GRIP1: variants seen among roughly 807,000 people sequenced by gnomAD.
GRIP1 encodes the protein glutamate receptor interacting protein 1.
GRIP1 carries 45 observed loss-of-function variants against 129.9 expected under a neutral mutation model. The observed-to-expected ratio is 0.35, with a 90% CI of 0.27 to 0.44. The LOEUF is 0.44. Among genes scored for constraint, GRIP1 ranks in the 20% least tolerant of loss-of-function variants. GRIP1 has a pLI of 1.00. For synonymous variants in GRIP1, 530 were observed against 520.8 expected, an observed-to-expected ratio of 1.02 and a Z score of -0.24; for missense variants, 1,196 against 1,396.8, an observed-to-expected ratio of 0.86 and a Z score of 2.29.
intron 1 of GRIP1, among the ~76,000 whole-genome samples, chr12:67,014,405 C>A (rs911891135): frequency 1.3e-5 from 2 of 152,024 alleles, no homozygotes; most frequent in African/African-American, 4.8e-5. Context: ...AAAGCACTCA[C>A]AATGACAAAT....
At chr12:66,833,811 C>T (rs1358734077) in intron 1 of GRIP1, among the ~76,000 whole-genome samples, 1 of 152,002 alleles carries the variant, frequency 6.6e-6, no homozygotes, top group African/African-American at 2.4e-5. Context: ...AGGGAAAAGC[C>T]TTAATAGATA....
At chr12:66,854,394 G>A (rs1352257327) in intron 1 of GRIP1, among the ~76,000 whole-genome samples, 1 of 152,000 alleles carries the variant, frequency 6.6e-6, no homozygotes, top group Non-Finnish European at 1.5e-5. Context: ...TCAATAAGGA[G>A]TTTTGGATTG....
intron 1 of GRIP1, among the ~76,000 whole-genome samples, chr12:66,839,812 T>C (rs1028378201): frequency 6.6e-6 from 1 of 152,230 alleles, no homozygotes; most frequent in Non-Finnish European, 1.5e-5. Flanking sequence ...ACTTACTCTG[T>C]GCAAGGCACT....
intron 1 of GRIP1, among the ~76,000 whole-genome samples, chr12:66,648,795 T>A (rs1334341642): frequency 6.6e-6 from 1 of 152,204 alleles, no homozygotes; most frequent in Non-Finnish European, 1.5e-5. Flanking sequence ...AAAGTCCAAT[T>A]TTAACTGGAG....
intron 1 of GRIP1, among the ~76,000 whole-genome samples, chr12:66,929,865 T>C (rs1163760110): frequency 6.6e-6 from 1 of 152,182 alleles, no homozygotes; most frequent in African/African-American, 2.4e-5. Flanking sequence ...AGTGCCTTTT[T>C]TCTCTGTGTT....
At position 66,988,301 on chromosome 12, in the gene GRIP1, T is replaced by C. The variant is rs1592434021; in HGVS notation, c.58+80749A>G. On this transcript the variant is annotated intron_variant, in intron 1 of 1. Coordinates refer to the GRIP1 transcript ENST00000643019. The stretch of plus-strand genomic sequence containing the variant: ...CTGTCTCAAAAATAATAATAATAAA[T>C]AAACAGATAAACATGCAAATATTTA... Among the ~76,000 whole-genome samples, 4 of 152,174 alleles carry C rather than the reference T, an allele frequency of 2.6e-5. No homozygotes were observed. In the South Asian group the frequency reaches 8.3e-4, roughly 32 times the overall value.
chr12:66,893,518 G>A (rs1474244294), intron 1 of GRIP1, among the ~76,000 whole-genome samples: 1 of 152,148 alleles, frequency 6.6e-6, no homozygotes, highest in East Asian at 1.9e-4. Flanking sequence ...GAATACAGGT[G>A]TGAGCCACTG....
At chr12:66,949,893 C>T (rs1015175684) in intron 1 of GRIP1, among the ~76,000 whole-genome samples, 3 of 151,824 alleles carry the variant, frequency 2.0e-5, no homozygotes, top group South Asian at 2.1e-4. Flanking sequence ...TCAGCCCCCC[C>T]GAGTAGCTGG....
At chr12:66,568,058 C>T (rs1443234139) in intron 2 of GRIP1, 2 of 231,768 alleles carry the variant, frequency 8.6e-6, no homozygotes, top group African/African-American at 2.3e-5. Context: ...TTCTGATAAA[C>T]ACTCAGCATA....
intron 1 of GRIP1, among the ~76,000 whole-genome samples, chr12:66,668,513 C>T (rs925092004): frequency 6.6e-6 from 1 of 152,162 alleles, no homozygotes; most frequent in African/African-American, 2.4e-5. Flanking sequence ...GTATTTTCCT[C>T]CAGACAGCCT....
intron 1 of GRIP1, among the ~76,000 whole-genome samples, chr12:66,844,925 C>G (rs12581549): frequency 6.6e-6 from 1 of 152,002 alleles, no homozygotes; most frequent in African/African-American, 2.4e-5. Flanking sequence ...TTCATAGAGA[C>G]AGAAAATAGA....
chr12:66,963,383 T>C (rs1183077987), intron 1 of GRIP1, among the ~76,000 whole-genome samples: 1 of 152,130 alleles, frequency 6.6e-6, no homozygotes, highest in Non-Finnish European at 1.5e-5. Context: ...AATTATTGAA[T>C]GCACATTCTA....
At chr12:66,717,849 T>C (rs956111859) in intron 1 of GRIP1, among the ~76,000 whole-genome samples, 5 of 152,188 alleles carry the variant, frequency 3.3e-5, no homozygotes, top group African/African-American at 1.2e-4. Context: ...CTCTCATTTC[T>C]GTGTTTTGGT....
chr12:66,462,642 A>G (rs938957267), intron 9 of GRIP1, among the ~76,000 whole-genome samples: 1 of 152,032 alleles, frequency 6.6e-6, no homozygotes, highest in Non-Finnish European at 1.5e-5. Flanking sequence ...TCTCTATTAA[A>G]AATACAAAAA....
chr12:66,597,017 G>C, intron 1 of GRIP1, 90 bp from the exon 2 acceptor site: 1 of 889,086 alleles, frequency 1.1e-6, no homozygotes, highest in Non-Finnish European at 1.9e-6. Flanking sequence ...TTCTGCGAGA[G>C]AGAAGTGGTA....
At chr12:66,451,699 T>C (rs1167694038) in intron 11 of GRIP1, among the ~76,000 whole-genome samples, 3 of 152,098 alleles carry the variant, frequency 2.0e-5, no homozygotes, top group Non-Finnish European at 4.4e-5. Flanking sequence ...TTATTGATCC[T>C]GTAATCTAAG....
At chr12:66,365,690 C>G (rs920948931) in intron 23 of GRIP1, among the ~76,000 whole-genome samples, 1 of 152,190 alleles carries the variant, frequency 6.6e-6, no homozygotes, top group Non-Finnish European at 1.5e-5. Flanking sequence ...TGACTGGTCA[C>G]TAGACACACA....
intron 1 of GRIP1, among the ~76,000 whole-genome samples, chr12:66,979,064 T>A (rs559062072): frequency 6.6e-6 from 1 of 151,934 alleles, no homozygotes; most frequent in East Asian, 1.9e-4. Context: ...GGATATATGA[T>A]TTACTAAACC....
chr12:66,463,097 C>T lies in GRIP1; in HGVS notation c.873-4G>A, dbSNP rs368277972. ...TCCCACATGCAATGCGCCACATCTA[C>T]GGAAAGGAGAAATACTCGGTAAGAG... On this transcript the variant is annotated splice_polypyrimidine_tract_variant and splice_region_variant and intron_variant, in intron 8 of 24. Transcript: ENST00000359742. 3.2e-5 allele frequency: 51 copies of T among 1,612,990 alleles called. No homozygotes were observed. Among genetic ancestry groups the T allele is most frequent in the South Asian group, 3.0e-4 (27 of 91,028 alleles).
Sources: gnomAD v4.1 joint callset for allele counts (sites outside exome capture counted in the v4.1 genomes callset) on GRCh38, gnomAD v4.1.1 for gene constraint, MANE v1.5 for transcripts, NCBI Gene and HGNC (gene_info 2026-07-23, HGNC 2026-07-21) for gene names.